Variants in CCDC180 observed in about 807,000 individuals in gnomAD.
CCDC180 encodes coiled-coil domain containing 180.
In CCDC180, 154 loss-of-function variants were observed where a neutral mutation model predicts 209.2. The observed-to-expected ratio is 0.74, with a 90% CI of 0.65 to 0.84. CCDC180 has a LOEUF of 0.84. CCDC180 is among the 40% of genes least tolerant of loss of function. CCDC180 has a pLI of 0.00. For synonymous variants in CCDC180, 778 were observed against 749.1 expected, an observed-to-expected ratio of 1.04 and a Z score of -0.63; for missense variants, 1,874 against 1,997.3, an observed-to-expected ratio of 0.94 and a Z score of 1.18.
rs1000219203 is a variant in CCDC180, at chr9:97,377,992, G to A, written c.*1098G>A. The stretch of plus-strand genomic sequence containing the variant: ...AGATCATCTGAGCTCAGGAGTTCGG[G>A]GCCAGCTGAGGCAACATGACGAAAC... On this transcript the variant is annotated 3_prime_UTR_variant, in exon 37 of 37. Coordinates refer to ENST00000529487, the MANE Select transcript of CCDC180 (RefSeq NM_020893.6). 6.6e-6 allele frequency: 1 copy of A among 152,126 alleles called. No individual in the cohort carries two copies. The highest frequency in any genetic ancestry group is 1.9e-4 in the East Asian group (1 of 5,192). 9.4% of individuals were successfully genotyped at this position (152,126 alleles called of 1,614,324 possible).
At chr9:97,376,422 A>C (rs13285567) in intron 36 of CCDC180, 37,404 of 174,684 alleles carry the variant, frequency 0.21, 4,399 homozygotes, top group East Asian at 0.4. Flanking sequence ...CCAGCCTACC[A>C]AAAAATCGGG....
intron 4 of CCDC180, 38 bp from the exon 5 acceptor site, chr9:97,313,198 C>T: frequency 7.1e-7 from 1 of 1,416,050 alleles, no homozygotes; most frequent in South Asian, 1.2e-5. Context: ...CCTGAGAGCT[C>T]TGAAGGCAGC....
intron 11 of CCDC180, 130 bp downstream of exon 11, chr9:97,320,335 G>A: frequency 1.2e-6 from 1 of 826,254 alleles, no homozygotes; most frequent in East Asian, 2.5e-5. Context: ...CAGGAAAAGT[G>A]AGCTCTGAGG....
chr9:97,368,725 G>A (rs942374655), intron 31 of CCDC180, among the ~76,000 whole-genome samples: 1 of 152,180 alleles, frequency 6.6e-6, no homozygotes, highest in African/African-American at 2.4e-5. Context: ...GTGTTCAGAA[G>A]CTTGCTTGTT....
intron 25 of CCDC180, among the ~76,000 whole-genome samples, chr9:97,358,483 C>G (rs1014148305): frequency 6.6e-6 from 1 of 152,098 alleles, no homozygotes; most frequent in African/African-American, 2.4e-5. Context: ...TATGAAAAGT[C>G]AGAATTGGAA....
intron 26 of CCDC180, among the ~76,000 whole-genome samples, chr9:97,360,302 G>A (rs1003914077): frequency 1.3e-5 from 2 of 152,054 alleles, no homozygotes; most frequent in African/African-American, 4.8e-5. Context: ...CCACTTCCTT[G>A]CATTGGTCTC....
At chr9:97,309,873 A>G (rs959285174) in intron 3 of CCDC180, among the ~76,000 whole-genome samples, 1 of 152,214 alleles carries the variant, frequency 6.6e-6, no homozygotes. Flanking sequence ...CTCGAAAGTA[A>G]ATAAATAAGC....
In CCDC180 at chr9:97,330,570, C is replaced by A; in HGVS notation, c.2077C>A (p.Leu693Met). The A allele has an allele frequency of 6.2e-7, 1 of 1,614,008 alleles. No individual in the cohort carries two copies. The highest frequency in any genetic ancestry group is 1.3e-5 in the African/African-American group (1 of 74,978). ...GTCCAAAGAAGGCTCTATTCAGGGA[C>A]TGGAAGAAATGCAGGTTGAAAGAGA... is the stretch of plus-strand genomic sequence containing the variant. Reference protein sequence around the residue: ...DESKEGSIQGLEEMQVEREGS... With the variant: ...DESKEGSIQGMEEMQVEREGS... Residue 693 changes from leucine (L) to methionine (M), a missense_variant, in exon 18 of 37, where the codon CTG (leucine) becomes ATG (methionine). Transcript: ENST00000529487.
In CCDC180 at chr9:97,347,483, A is replaced by G. The variant is rs1826294697; in HGVS notation, c.2668A>G (p.Arg890Gly). 2.0e-6 allele frequency: 3 copies of G among 1,536,072 alleles called. No individual in the cohort carries two copies. Among genetic ancestry groups the G allele is most frequent in the Non-Finnish European group, 2.6e-6 (3 of 1,146,890 alleles). ...QQIEKDIHNV[R>G]AAELLLHQEQ... ...GATTGAAAAAGACATCCACAACGTCAGGGCAGGTACAGATGCTGCCTGGGA... is the reference window on the plus strand; with the variant it reads ...GATTGAAAAAGACATCCACAACGTCGGGGCAGGTACAGATGCTGCCTGGGA... The change falls in exon 20 of 37, where the codon AGG (arginine) becomes GGG (glycine). Residue 890 changes from arginine to glycine, a missense_variant. Coordinates refer to ENST00000529487, the MANE Select transcript of CCDC180 (RefSeq NM_020893.6).
intron 20 of CCDC180, 167 bp from the exon 21 acceptor site, chr9:97,348,944 C>A: frequency 1.6e-6 from 1 of 623,200 alleles, no homozygotes; most frequent in Non-Finnish European, 2.7e-6. Context: ...TCCTCTCCAG[C>A]CCAAGCCCTG....
intron 18 of CCDC180, among the ~76,000 whole-genome samples, chr9:97,338,072 C>T (rs1825963470): frequency 1.3e-5 from 2 of 152,086 alleles, no homozygotes; most frequent in African/African-American, 2.4e-5. Context: ...ATTAGGCTTG[C>T]TAGAGGTCTG....
intron 34 of CCDC180, 91 bp from the exon 35 acceptor site, chr9:97,374,452 T>C (rs1827186012): frequency 5.2e-6 from 5 of 953,128 alleles, no homozygotes; most frequent in Non-Finnish European, 6.4e-6. Context: ...GGGGTGCCAG[T>C]CCTCCCTTTT....
chr9:97,318,411 C>T (rs1050201594), intron 9 of CCDC180, 52 bp from the exon 10 acceptor site: 39 of 1,603,020 alleles, frequency 2.4e-5, no homozygotes, highest in Non-Finnish European at 3.0e-5. Flanking sequence ...CTCTCTCACT[C>T]CTGCCCTGCT....
intron 18 of CCDC180, among the ~76,000 whole-genome samples, chr9:97,334,741 A>G (rs1365561163): frequency 6.6e-6 from 1 of 152,212 alleles, no homozygotes; most frequent in Non-Finnish European, 1.5e-5. Context: ...GTTTTCATTG[A>G]GAATATGGTA....
At chr9:97,374,826 G>A (rs761349388) in intron 35 of CCDC180, among the ~76,000 whole-genome samples, 178 bp downstream of exon 35, 30 of 152,216 alleles carry the variant, frequency 2.0e-4, no homozygotes, top group Non-Finnish European at 2.8e-4. Context: ...ATATTATCAA[G>A]AGAAAGTTAA....
At chr9:97,369,758 A>G (rs1827025049) in intron 31 of CCDC180, 164 bp from the exon 32 acceptor site, 2 of 662,654 alleles carry the variant, frequency 3.0e-6, no homozygotes, top group Admixed American at 3.0e-5. Context: ...TATTTTCTAT[A>G]CTGGTTTGAC....
At position 97,366,670 on chromosome 9, in the gene CCDC180, G is replaced by T; in HGVS notation, c.4159G>T (p.Ala1387Ser). Residue 1387 changes from alanine to serine, a missense_variant, in exon 31 of 37, where the codon GCA (alanine) becomes TCA (serine). Coordinates refer to ENST00000529487, the MANE Select transcript of CCDC180 (RefSeq NM_020893.6). This position sits in a 1 kb window ranked among gnomAD's most constrained non-coding sequence, Gnocchi z 4.3. Reference sequence around the variant, plus strand: ...AAAGATCCTGGAGTATCAGAGCCAGGCAAATAAGTACCACAACTCCTGCCT... The same window carrying T: ...AAAGATCCTGGAGTATCAGAGCCAGTCAAATAAGTACCACAACTCCTGCCT... Reference protein sequence around the residue: ...SKKILEYQSQANKYHNSCLIE... With the variant: ...SKKILEYQSQSNKYHNSCLIE... 6.2e-7 allele frequency: 1 copy of T among 1,614,176 alleles called. No homozygotes were observed. Among genetic ancestry groups the T allele is most frequent in the Non-Finnish European group, 8.5e-7 (1 of 1,180,022 alleles).
chr9:97,372,428 G>A (rs1004317381), intron 34 of CCDC180: 5 of 152,288 alleles, frequency 3.3e-5, no homozygotes, highest in Middle Eastern at 3.4e-3. Context: ...GTGTGTAGAC[G>A]TTTGGCCTAG....
In CCDC180 at chr9:97,362,425, G is replaced by A; in HGVS notation, c.3886G>A (p.Ala1296Thr). 6.2e-7 allele frequency: 1 copy of A among 1,613,934 alleles called. No individual in the cohort carries two copies. The highest frequency in any genetic ancestry group is 8.5e-7 in the Non-Finnish European group (1 of 1,179,898). ...SGKKAVPSAS[A>T]TSAGSFTPHP... ...GAAGAAGGCTGTACCCAGTGCCAGT[G>A]CTACCTCTGCAGGCAGGTAGGACAC... The change falls in exon 28 of 37, where the codon GCT becomes ACT. Residue 1296 changes from alanine to threonine, a missense_variant. Transcript: ENST00000529487.
Sources: allele counts gnomAD v4.1 joint callset (sites outside exome capture counted in the v4.1 genomes callset), GRCh38; gene constraint gnomAD v4.1.1; non-coding constraint Gnocchi (gnomAD v3.1); transcripts MANE v1.5; gene names NCBI Gene and HGNC (gene_info 2026-07-23, HGNC 2026-07-21).